INPP5B: variants seen among roughly 807,000 people sequenced by gnomAD.
The protein encoded by INPP5B is inositol polyphosphate-5-phosphatase B, also known as type II inositol 1,4,5-trisphosphate 5-phosphatase.
A neutral mutation model predicts 118.5 loss-of-function variants in INPP5B; 90 were observed. The ratio of observed to expected loss-of-function variants is 0.76; its 90% CI spans 0.64 to 0.90. The LOEUF is 0.90. INPP5B is among the 40% of genes least tolerant of loss of function. The probability of loss-of-function intolerance (pLI) is 0.00; values close to 1 mark genes in which losing one functional copy is unlikely to be tolerated. For synonymous variants in INPP5B, 385 were observed against 418.9 expected, an observed-to-expected ratio of 0.92 and a Z score of 0.99; for missense variants, 984 against 1,125.6, an observed-to-expected ratio of 0.87 and a Z score of 1.80.
chr1:37,913,981 C>G (rs1490195901), intron 7 of INPP5B, among the ~76,000 whole-genome samples: 2 of 151,972 alleles, frequency 1.3e-5, no homozygotes, highest in Non-Finnish European at 2.9e-5. Context: ...TAAGAAGGTG[C>G]TTCGTAATAT....
chr1:37,896,635 C>T (rs1404909917), intron 7 of INPP5B, among the ~76,000 whole-genome samples: 17 of 139,282 alleles, frequency 1.2e-4, no homozygotes, highest in Non-Finnish European at 2.7e-4. Flanking sequence ...CCGCCCCGTC[C>T]GGGAGGTGAG....
At position 37,862,041 on chromosome 1, in the gene INPP5B, A is replaced by T. The variant is rs1295044265; in HGVS notation, c.*274T>A. 1.4e-5 allele frequency: 4 copies of T among 286,132 alleles called. No homozygotes were observed. Among genetic ancestry groups the T allele is most frequent in the Non-Finnish European group, 2.6e-5 (4 of 152,538 alleles). 17.7% of individuals were successfully genotyped at this position (286,132 alleles called of 1,614,324 possible). A position where few individuals can be genotyped will look rare whatever the true frequency, so the allele number is the denominator to read the frequency against. ...ACAGAGCAAAACTCCGTCTCAAAATAAAAAAAAATAAAAAATAAAAAAATC... is the reference window on the plus strand; with the variant it reads ...ACAGAGCAAAACTCCGTCTCAAAATTAAAAAAAATAAAAAATAAAAAAATC... On this transcript the variant is annotated 3_prime_UTR_variant, in exon 24 of 24. Transcript: ENST00000373024.
chr1:37,878,666 T>G (rs1272231619), intron 15 of INPP5B, among the ~76,000 whole-genome samples: 1 of 151,918 alleles, frequency 6.6e-6, no homozygotes, highest in Non-Finnish European at 1.5e-5. Flanking sequence ...TTTATTTTTA[T>G]AGAGATGGAG....
At chr1:37,887,502 A>C in intron 10 of INPP5B, 37 bp from the exon 11 acceptor site, 2 of 1,230,940 alleles carry the variant, frequency 1.6e-6, no homozygotes, top group Non-Finnish European at 2.4e-6. Context: ...AGTAAAGAAA[A>C]GTAATGTGCA....
intron 6 of INPP5B, among the ~76,000 whole-genome samples, chr1:37,935,924 G>A (rs1570389178): frequency 6.6e-6 from 1 of 152,078 alleles, no homozygotes; most frequent in East Asian, 1.9e-4. Flanking sequence ...AAATTAGCCA[G>A]GCGTGGTGGT....
chr1:37,927,792 C>T (rs1240046014), intron 7 of INPP5B, among the ~76,000 whole-genome samples: 1 of 152,128 alleles, frequency 6.6e-6, no homozygotes, highest in Non-Finnish European at 1.5e-5. Context: ...CCTCCTTGGC[C>T]TCCCAAAGTG....
intron 7 of INPP5B, among the ~76,000 whole-genome samples, chr1:37,926,639 T>C (rs191885053): frequency 1.6e-4 from 25 of 152,326 alleles, no homozygotes; most frequent in Admixed American, 1.4e-3. Flanking sequence ...TATTTGCTAT[T>C]ACTGCTTTGT....
intron 14 of INPP5B, among the ~76,000 whole-genome samples, chr1:37,881,093 G>A (rs537348731): frequency 6.6e-6 from 1 of 152,324 alleles, no homozygotes; most frequent in South Asian, 2.1e-4. Flanking sequence ...ATCTTTAAGA[G>A]GATTAGGTAC....
intron 7 of INPP5B, among the ~76,000 whole-genome samples, chr1:37,911,643 A>C (rs894232926): frequency 4.6e-5 from 7 of 152,180 alleles, no homozygotes; most frequent in African/African-American, 1.7e-4. Context: ...CAAAAGGACT[A>C]CGAGTCAATA....
chr1:37,892,480 T>C (rs1643877069), intron 7 of INPP5B, among the ~76,000 whole-genome samples: 1 of 152,172 alleles, frequency 6.6e-6, no homozygotes, highest in African/African-American at 2.4e-5. Flanking sequence ...CCAGATCTCT[T>C]GTCAACAGGG....
intron 16 of INPP5B, 104 bp from the exon 17 acceptor site, chr1:37,875,820 C>T (rs1642765079): frequency 1.4e-6 from 1 of 728,542 alleles, no homozygotes; most frequent in South Asian, 1.6e-5. Context: ...TTGATAGCAA[C>T]ACAGAAAACA....
At chr1:37,882,595 A>C (rs1015644710) in intron 14 of INPP5B, among the ~76,000 whole-genome samples, 4 of 152,220 alleles carry the variant, frequency 2.6e-5, no homozygotes, top group African/African-American at 9.6e-5. Flanking sequence ...TTGCTCCCAC[A>C]GGAGACAAGG....
At chr1:37,941,176 A>ACC (rs1041866299) in intron 5 of INPP5B, among the ~76,000 whole-genome samples, 32 of 152,140 alleles carry the variant, frequency 2.1e-4, no homozygotes, top group African/African-American at 7.2e-4. Flanking sequence ...TATGCCAGGT[A>ACC]GTGTGATAGG....
At chr1:37,890,658 A>G (rs896679665) in intron 8 of INPP5B, among the ~76,000 whole-genome samples, 6 of 152,296 alleles carry the variant, frequency 3.9e-5, no homozygotes, top group African/African-American at 1.4e-4. Flanking sequence ...CAGGAAAAAA[A>G]GTCACTTCAG....
At chr1:37,876,035 T>C (rs1216787271) in intron 16 of INPP5B, among the ~76,000 whole-genome samples, 4 of 152,106 alleles carry the variant, frequency 2.6e-5, no homozygotes, top group African/African-American at 9.7e-5. Flanking sequence ...TCTATTTTGC[T>C]TGCTGCCACC....
At chr1:37,933,283 G>A (rs775284517) in intron 6 of INPP5B, among the ~76,000 whole-genome samples, 2 of 152,134 alleles carry the variant, frequency 1.3e-5, no homozygotes, top group African/African-American at 2.4e-5. Context: ...AGGGCCAGGC[G>A]CATGCCTGTA....
At chr1:37,910,429 A>C (rs1281486811) in intron 7 of INPP5B, among the ~76,000 whole-genome samples, 1 of 151,924 alleles carries the variant, frequency 6.6e-6, no homozygotes, top group Non-Finnish European at 1.5e-5. Flanking sequence ...ATTTTAACTA[A>C]ATTTTCTGCT....
intron 7 of INPP5B, among the ~76,000 whole-genome samples, chr1:37,895,542 A>G (rs1247281875): frequency 1.8e-5 from 2 of 112,812 alleles, no homozygotes; most frequent in Admixed American, 1.1e-4. Context: ...CTCTCTTTCC[A>G]CGGTCTCCCT....
intron 5 of INPP5B, among the ~76,000 whole-genome samples, chr1:37,943,320 G>A (rs1646002683): frequency 6.6e-6 from 1 of 152,090 alleles, no homozygotes; most frequent in Non-Finnish European, 1.5e-5. Context: ...AGGCTGCCTG[G>A]GAAGAGAAAT....
Sources: gnomAD v4.1 joint callset for allele counts (sites outside exome capture counted in the v4.1 genomes callset) on GRCh38, gnomAD v4.1.1 for gene constraint, MANE v1.5 for transcripts, NCBI Gene and HGNC (gene_info 2026-07-23, HGNC 2026-07-21) for gene names.